The following MLKL variants were observed in gnomAD, a reference collection of about 807,000 sequenced individuals.
The protein encoded by MLKL is mixed lineage kinase domain-like protein.
Under a neutral mutation model 56.5 loss-of-function variants are expected in MLKL, and 55 were observed. The observed-to-expected ratio is 0.97, with a 90% confidence interval of 0.78 to 1.22. The LOEUF is 1.22. Ranked by LOEUF, MLKL falls within the 50% of genes most tolerant of loss-of-function variation. MLKL has a pLI of 0.00. For synonymous variants in MLKL, 251 were observed against 208.3 expected, an observed-to-expected ratio of 1.20 and a Z score of -1.76; for missense variants, 694 against 573.9, an observed-to-expected ratio of 1.21 and a Z score of -2.14.
At chr16:74,675,234 A>G (rs2144443627) in intron 9 of MLKL, 121 bp downstream of exon 9, 1 of 1,560,746 alleles carries the variant, frequency 6.4e-7, no homozygotes, top group Non-Finnish European at 8.8e-7. Context: ...TCCACTGACC[A>G]GCCCAGGCAG....
At chr16:74,676,518 C>T (rs1283313371) in intron 7 of MLKL, 2 of 970,158 alleles carry the variant, frequency 2.1e-6, no homozygotes, top group African/African-American at 3.5e-5. Flanking sequence ...GTTTCCTGAG[C>T]ACTGACATTC....
intron 2 of MLKL, among the ~76,000 whole-genome samples, chr16:74,695,066 G>A (rs561958561): frequency 6.6e-5 from 10 of 152,116 alleles, no homozygotes; most frequent in Non-Finnish European, 1.3e-4. Context: ...TAGAGACGGG[G>A]TTTCACCGTG....
Position 74,696,686 on chromosome 16 carries a change from G to A in MLKL, c.-2-927C>T, listed in dbSNP as rs191578823. ...ATAAAATATAAAATTGGCTGGGCGC[G>A]GTGACTCACGCCAGTAATCCCAGCA... On this transcript the variant is annotated intron_variant, in intron 1 of 10. Transcript: ENST00000308807. Among the ~76,000 whole-genome samples, 203 of 151,228 alleles carry A rather than the reference G, an allele frequency of 1.3e-3. 1 individual carries two copies. Among genetic ancestry groups the A allele is most frequent in the African/African-American group, 4.7e-3 (196 of 41,344 alleles).
chr16:74,672,527 T>A lies in MLKL; in HGVS notation c.1393A>T (p.Lys465Ter). 1 of 1,613,990 alleles carries A rather than the reference T, an allele frequency of 6.2e-7. No homozygotes were observed. Among genetic ancestry groups the A allele is most frequent in the Non-Finnish European group, 8.5e-7 (1 of 1,179,880 alleles). The change falls in exon 11 of 11, where the codon AAA becomes TAA. Residue 465 changes from lysine to a stop codon, truncating the protein, a stop_gained. Coordinates refer to ENST00000308807, the MANE Select transcript of MLKL (RefSeq NM_152649.4). LOFTEE classifies it high-confidence loss of function. ...CACTACTTAGAAAAGGTGGAGAGTT[T>A]CTTTAAGATTTCTGTGGATGAATGA... ...VRPSVDEILK[K>*]LSTFSK
intron 4 of MLKL, among the ~76,000 whole-genome samples, chr16:74,687,638 C>T (rs77909938): frequency 1.4e-3 from 206 of 152,064 alleles, no homozygotes; most frequent in Middle Eastern, 3.4e-3. Context: ...AATTGGGGGT[C>T]CGGAAATAAA....
chr16:74,698,904 G>C (rs1288860110), intron 1 of MLKL, among the ~76,000 whole-genome samples: 1 of 152,064 alleles, frequency 6.6e-6, no homozygotes, highest in Non-Finnish European at 1.5e-5. Context: ...ACCTGAGGTC[G>C]GGAGTTTGAG....
chr16:74,678,726 C>T (rs905144257), intron 7 of MLKL, among the ~76,000 whole-genome samples, 173 bp downstream of exon 7: 7 of 152,052 alleles, frequency 4.6e-5, no homozygotes, highest in South Asian at 2.1e-4. Context: ...GAGGTTGCAG[C>T]GGGGCGATCT....
chr16:74,693,936 C>T lies in MLKL; in HGVS notation c.460+1362G>A, dbSNP rs923139651. 2.0e-5 allele frequency among the ~76,000 whole-genome samples: 3 copies of T among 152,146 alleles called. No individual in the cohort carries two copies. The East Asian group carries it at 5.8e-4, about 29-fold the overall frequency. On this transcript the variant is annotated intron_variant, in intron 2 of 10. Transcript: ENST00000308807. ...AAATTTTATGTTATGTATATTTTAT[C>T]ACAAAAAATGGGAAAAAATGATGGG...
At position 74,675,041 on chromosome 16, in the gene MLKL, C is replaced by A; in HGVS notation, c.1300G>T (p.Gly434Cys). 1 of 1,614,168 alleles carries A rather than the reference C, an allele frequency of 6.2e-7. No homozygotes were observed. Among genetic ancestry groups the A allele is most frequent in the Non-Finnish European group, 8.5e-7 (1 of 1,180,022 alleles). ...VAVKRQQEPL[G>C]EDCPSELREI... ...CGCAGCTCTGAAGGGCAGTCTTCAC[C>A]CAGTGGCTCCTGCTGCCGCTTCACA... The change falls in exon 10 of 11, where the codon GGT (glycine) becomes TGT (cysteine). Residue 434 changes from glycine (G) to cysteine (C), a missense_variant. Coordinates refer to ENST00000308807, the MANE Select transcript of MLKL (RefSeq NM_152649.4).
intron 7 of MLKL, chr16:74,675,978 T>A: frequency 3.5e-6 from 2 of 576,120 alleles, no homozygotes; most frequent in South Asian, 4.9e-5. Context: ...CAAAGAGATT[T>A]CTTCTGTATA....
intron 5 of MLKL, among the ~76,000 whole-genome samples, chr16:74,685,116 G>C (rs1295136014): frequency 6.6e-6 from 1 of 152,030 alleles, no homozygotes; most frequent in African/African-American, 2.4e-5. Flanking sequence ...TGCCTGTCTC[G>C]GCTTACCAAA....
chr16:74,672,429 TGA>T lies in MLKL; in HGVS notation c.*73_*74del, dbSNP rs150865800. The T allele has an allele frequency of 1.3e-4, 183 of 1,361,534 alleles. No homozygotes were observed. Among genetic ancestry groups the T allele is most frequent in the Middle Eastern group, 3.6e-4 (2 of 5,534 alleles). The allele number at this position is 1,361,534 out of a possible 1,614,324, so 84.3% of individuals were successfully genotyped here. A position where few individuals can be genotyped will look rare whatever the true frequency, so the allele number is the denominator to read the frequency against. On this transcript the variant is annotated 3_prime_UTR_variant, in exon 11 of 11. Transcript: ENST00000308807. The stretch of plus-strand genomic sequence containing the variant: ...ATAGATAACCCAATGCCGAAGGATA[TGA>T]GAGAGAGAGATGTCCAGTTTGTGCC...
At position 74,695,422 on chromosome 16, in the gene MLKL, G is replaced by C; in HGVS notation, c.336C>G (p.Leu112=). The part of the protein sequence containing the change: ...NRKLSDVWKE[L]SLLLQVEQRM... ...GTTGCTCAACCTGAAGTAACAGCGA[G>C]AGCTCCTTCCAGACATCACTCAGCT... is the stretch of plus-strand genomic sequence containing the variant. The change falls in exon 2 of 11, where the codon CTC becomes CTG. Residue 112 remains leucine, a synonymous_variant. Coordinates refer to ENST00000308807, the MANE Select transcript of MLKL (RefSeq NM_152649.4). 2 of 1,614,244 alleles carry C rather than the reference G, an allele frequency of 1.2e-6. No homozygotes were observed. The highest frequency in any genetic ancestry group is 1.7e-6 in the Non-Finnish European group (2 of 1,180,044).
intron 5 of MLKL, among the ~76,000 whole-genome samples, chr16:74,684,468 C>A (rs1268358890): frequency 1.4e-5 from 2 of 143,450 alleles, no homozygotes; most frequent in Non-Finnish European, 3.0e-5. Flanking sequence ...TCACATAAGG[C>A]TCTTGGTAGA....
Position 74,672,326 on chromosome 16 carries a change from A to G in MLKL, c.*178T>C. On this transcript the variant is annotated 3_prime_UTR_variant, in exon 11 of 11. Transcript: ENST00000308807. ...TCAGAGGTATGTTTTTGGAAATATCATTTGGAGTGGGATGTGTCCTGTATG... is the reference window on the plus strand; with the variant it reads ...TCAGAGGTATGTTTTTGGAAATATCGTTTGGAGTGGGATGTGTCCTGTATG... 1 of 553,518 alleles carries G rather than the reference A, an allele frequency of 1.8e-6. No individual in the cohort carries two copies. The highest frequency in any genetic ancestry group is 3.3e-6 in the Non-Finnish European group (1 of 305,182). The allele number at this position is 553,518 out of a possible 1,614,324, so 34.3% of individuals were successfully genotyped here. A position where few individuals can be genotyped will look rare whatever the true frequency, so the allele number is the denominator to read the frequency against.
rs763353269 is a variant in MLKL at position 74,691,286 on chromosome 16, C to T, written c.713G>A (p.Gly238Asp). The change falls in exon 4 of 11, where the codon GGC (glycine) becomes GAC (aspartate). Residue 238 changes from glycine (G) to aspartate (D), a missense_variant. By Grantham distance (94) the Gly-to-Asp change is moderately conservative. Transcript: ENST00000308807. The part of the protein sequence containing the change: ...AIKVFKKLQA[G>D]SIAIVRQTFN... ...ACACAAAACAACTTACGCAATGCTG[C>T]CAGCCTGGAGTTTTTTGAATACTTT... The T allele has an allele frequency of 6.2e-7, 1 of 1,609,990 alleles. No homozygotes were observed. The highest frequency in any genetic ancestry group is 8.5e-7 in the Non-Finnish European group (1 of 1,178,568).
At chr16:74,678,104 A>G (rs1959715906) in intron 7 of MLKL, 1 of 152,310 alleles carries the variant, frequency 6.6e-6, no homozygotes, top group Non-Finnish European at 1.5e-5. Flanking sequence ...GATGACCCAC[A>G]CCCACCTAAT....
rs1399363777 is a variant in MLKL, at chr16:74,700,846, C to G, written c.-396G>C. On this transcript the variant is annotated 5_prime_UTR_variant, in exon 1 of 11. Coordinates refer to ENST00000308807, the MANE Select transcript of MLKL (RefSeq NM_152649.4). ...TCCCCCTCCGACGTGGCTCCAGCTG[C>G]CAACCACCAGGCTCACGGTGCCCTG... is the stretch of plus-strand genomic sequence containing the variant. The G allele has an allele frequency of 6.6e-6, 1 of 152,372 alleles. No homozygotes were observed. The highest frequency in any genetic ancestry group is 1.5e-5 in the Non-Finnish European group (1 of 68,164). The allele number at this position is 152,372 out of a possible 1,614,324, so 9.4% of individuals were successfully genotyped here.
intron 4 of MLKL, among the ~76,000 whole-genome samples, chr16:74,690,514 T>A (rs1319989960): frequency 1.3e-5 from 2 of 152,096 alleles, no homozygotes; most frequent in African/African-American, 4.8e-5. Flanking sequence ...ACAAAATATA[T>A]GGCTCACGCC....
Sources: allele counts gnomAD v4.1 joint callset (sites outside exome capture counted in the v4.1 genomes callset), GRCh38; gene constraint gnomAD v4.1.1; transcripts MANE v1.5; gene names NCBI Gene and HGNC (gene_info 2026-07-23, HGNC 2026-07-21).